Variants in RAPGEF5 observed in about 807,000 individuals in gnomAD.
The protein encoded by RAPGEF5 is Rap guanine nucleotide exchange factor 5.
In RAPGEF5, 65 loss-of-function variants were observed where a neutral mutation model predicts 125.2. That is an observed-to-expected ratio of 0.52 (90% CI 0.43 to 0.64). The LOEUF (loss-of-function observed/expected upper bound fraction) is 0.64, where lower values mean the gene tolerates loss of function less well. Ranked by LOEUF, RAPGEF5 falls within the 30% of genes least tolerant of loss-of-function variation. The pLI is 0.00. For synonymous variants in RAPGEF5, 391 were observed against 385.9 expected, an observed-to-expected ratio of 1.01 and a Z score of -0.16; for missense variants, 958 against 1,048.1, an observed-to-expected ratio of 0.91 and a Z score of 1.19.
At chr7:22,280,485 CAAATGGACTTTT>C (rs1398072979) in intron 6 of RAPGEF5, among the ~76,000 whole-genome samples, 3 of 152,104 alleles carry the variant, frequency 2.0e-5, no homozygotes, top group Non-Finnish European at 4.4e-5. Flanking sequence ...ATACTGGACT[CAAATGGACTTTT>C]AAATATCTGA....
intron 18 of RAPGEF5, 21 bp from the exon 19 acceptor site, chr7:22,147,040 AG>A: frequency 1.2e-6 from 2 of 1,609,652 alleles, no homozygotes; most frequent in Non-Finnish European, 1.7e-6. Context: ...AGAAGCAAAA[AG>A]ATCCTCAGTA....
intron 9 of RAPGEF5, among the ~76,000 whole-genome samples, chr7:22,195,583 G>T (rs1233617808): frequency 1.3e-5 from 2 of 152,140 alleles, no homozygotes; most frequent in African/African-American, 2.4e-5. Context: ...GAAACTCCCT[G>T]AGGACGACAG....
At chr7:22,222,634 A>C (rs765335083) in intron 8 of RAPGEF5, among the ~76,000 whole-genome samples, 1 of 152,220 alleles carries the variant, frequency 6.6e-6, no homozygotes, top group Admixed American at 6.5e-5. Context: ...CAGGAGCCCA[A>C]CACACAATTT....
chr7:22,277,077 A>T (rs1174200930), intron 6 of RAPGEF5, among the ~76,000 whole-genome samples: 1 of 152,236 alleles, frequency 6.6e-6, no homozygotes, highest in African/African-American at 2.4e-5. Context: ...AAAGAGGCTG[A>T]AGCATTTCAG....
chr7:22,259,299 T>C (rs1402654827), intron 7 of RAPGEF5, among the ~76,000 whole-genome samples: 1 of 152,186 alleles, frequency 6.6e-6, no homozygotes, highest in African/African-American at 2.4e-5. Flanking sequence ...GAGATATCAC[T>C]ACACATCTAT....
At position 22,356,686 on chromosome 7, in the gene RAPGEF5, C is replaced by T. The variant is rs996798546; in HGVS notation, c.231+144G>A. ...GCACCTCAAAACCCGCCGTCCCGGG[C>T]CCCTCTTCAGCCGAGTCCGGCAGAA... On this transcript the variant is annotated intron_variant, in intron 1 of 25. Coordinates refer to ENST00000665637, the MANE Select transcript of RAPGEF5 (RefSeq NM_012294.5). 16 of 336,194 alleles carry T rather than the reference C, an allele frequency of 4.8e-5. No individual in the cohort carries two copies. The East Asian group carries it at 1.4e-3, about 30-fold the overall frequency. 20.8% of individuals were successfully genotyped at this position (336,194 alleles called of 1,614,324 possible).
intron 3 of RAPGEF5, among the ~76,000 whole-genome samples, chr7:22,310,334 A>C (rs947661934): frequency 6.6e-6 from 1 of 152,232 alleles, no homozygotes; most frequent in African/African-American, 2.4e-5. Flanking sequence ...TAGTAAGTAT[A>C]TATCTTTACA....
chr7:22,282,192 CCA>C (rs1390963894), intron 6 of RAPGEF5, among the ~76,000 whole-genome samples: 4 of 152,260 alleles, frequency 2.6e-5, no homozygotes, highest in Admixed American at 6.5e-5. Flanking sequence ...TTTGTATTCA[CCA>C]CAGAGAACCT....
At position 22,253,657 on chromosome 7, in the gene RAPGEF5, T is replaced by C. The variant is rs73069114; in HGVS notation, c.796+13307A>G. Among the ~76,000 whole-genome samples, 991 of 152,314 alleles carry C rather than the reference T, an allele frequency of 6.5e-3. 5 individuals carry two copies. The highest frequency in any genetic ancestry group is 9.8e-3 in the Non-Finnish European group (667 of 68,028). On this transcript the variant is annotated intron_variant, in intron 7 of 25. Coordinates refer to ENST00000665637, the MANE Select transcript of RAPGEF5 (RefSeq NM_012294.5). ...AGGAGAGCATTCAAAATAATATCTCTATAGCTTTTTAAGATAACTTAAATT... is the reference window on the plus strand; with the variant it reads ...AGGAGAGCATTCAAAATAATATCTCCATAGCTTTTTAAGATAACTTAAATT...
intron 1 of RAPGEF5, among the ~76,000 whole-genome samples, chr7:22,326,590 A>T (rs1161471072): frequency 6.6e-6 from 1 of 152,188 alleles, no homozygotes; most frequent in Non-Finnish European, 1.5e-5. Flanking sequence ...TATTAGTAAG[A>T]ACTCTTAATT....
At chr7:22,297,866 T>G (rs189930621) in intron 5 of RAPGEF5, among the ~76,000 whole-genome samples, 4 of 152,304 alleles carry the variant, frequency 2.6e-5, no homozygotes, top group Admixed American at 6.5e-5. Context: ...CTCTTACCAT[T>G]AAGTATGATG....
intron 1 of RAPGEF5, among the ~76,000 whole-genome samples, chr7:22,351,226 A>G (rs890975035): frequency 1.4e-4 from 22 of 152,078 alleles, no homozygotes; most frequent in Admixed American, 3.3e-4. Context: ...AATTTAAGTA[A>G]ACATTAGTTA....
intron 24 of RAPGEF5, among the ~76,000 whole-genome samples, chr7:22,129,943 A>G (rs1449463342): frequency 6.6e-6 from 1 of 152,088 alleles, no homozygotes; most frequent in Non-Finnish European, 1.5e-5. Context: ...AGAGCAATGT[A>G]CTTCTGAGGC....
chr7:22,225,560 T>C (rs1785898787), intron 8 of RAPGEF5, among the ~76,000 whole-genome samples: 1 of 152,232 alleles, frequency 6.6e-6, no homozygotes, highest in African/African-American at 2.4e-5. Flanking sequence ...CCAAACTAGA[T>C]GTTCCTCAGG....
chr7:22,188,383 C>T (rs1784886003), intron 11 of RAPGEF5, among the ~76,000 whole-genome samples: 1 of 152,174 alleles, frequency 6.6e-6, no homozygotes, highest in South Asian at 2.1e-4. Context: ...TTATCATGAG[C>T]TTGGTGTTGG....
intron 7 of RAPGEF5, among the ~76,000 whole-genome samples, chr7:22,237,351 T>C (rs1250693696): frequency 1.3e-5 from 2 of 150,964 alleles, no homozygotes; most frequent in Non-Finnish European, 3.0e-5. Context: ...GTTTTTGTTG[T>C]TGTTGTTGCT....
intron 9 of RAPGEF5, among the ~76,000 whole-genome samples, chr7:22,210,381 T>C (rs955728465): frequency 2.0e-5 from 3 of 152,234 alleles, no homozygotes; most frequent in Non-Finnish European, 2.9e-5. Flanking sequence ...GGCAAGATCA[T>C]GAAAGGTTTT....
intron 15 of RAPGEF5, 37 bp from the exon 16 acceptor site, chr7:22,156,925 A>C: frequency 6.2e-7 from 1 of 1,611,538 alleles, no homozygotes; most frequent in African/African-American, 1.3e-5. Flanking sequence ...GAATGAATAC[A>C]TTCCTGCCCT....
chr7:22,351,796 T>C (rs564443750), intron 1 of RAPGEF5, among the ~76,000 whole-genome samples: 8 of 152,228 alleles, frequency 5.3e-5, no homozygotes, highest in Non-Finnish European at 1.0e-4. Flanking sequence ...TCGGTTTCTA[T>C]TTCTCAATCA....
Sources: gnomAD v4.1 joint callset for allele counts (sites outside exome capture counted in the v4.1 genomes callset) on GRCh38, gnomAD v4.1.1 for gene constraint, MANE v1.5 for transcripts, NCBI Gene and HGNC (gene_info 2026-07-23, HGNC 2026-07-21) for gene names.